GNAI1: variants seen among roughly 807,000 people sequenced by gnomAD.
GNAI1 encodes guanine nucleotide-binding protein G(i) subunit alpha-1.
In GNAI1, 11 loss-of-function variants were observed where a neutral mutation model predicts 38.9. The ratio of observed to expected loss-of-function variants is 0.28; its 90% CI spans 0.18 to 0.47. The LOEUF is 0.47. GNAI1 is among the 20% of genes least tolerant of loss of function. GNAI1 has a pLI of 0.99. For missense variants in GNAI1, 317 were observed against 436.9 expected (o/e 0.73, Z 2.45); for synonymous variants, 166 against 145.1 (o/e 1.14, Z -1.04).
rs1336698236 is a variant in GNAI1, at chr7:80,188,977, A to G, written c.145A>G (p.Ile49Val). 3.7e-6 allele frequency: 6 copies of G among 1,608,438 alleles called. No homozygotes were observed. The highest frequency in any genetic ancestry group is 5.1e-6 in the Non-Finnish European group (6 of 1,176,054). The change falls in exon 2 of 8, where the codon ATT becomes GTT. Residue 49 changes from isoleucine to valine, a missense_variant. Transcript: ENST00000649796. ...LGAGESGKSTIVKQMKIIHEA... is the reference protein window; with the variant it reads ...LGAGESGKSTVVKQMKIIHEA... ...TGCTGGTGAATCTGGTAAAAGTACAATTGTGAAGCAGATGAAGTAAGTAGA... is the reference window on the plus strand; with the variant it reads ...TGCTGGTGAATCTGGTAAAAGTACAGTTGTGAAGCAGATGAAGTAAGTAGA...
intron 1 of GNAI1, among the ~76,000 whole-genome samples, chr7:80,180,838 T>TC (rs1381942938): frequency 1.3e-5 from 2 of 152,144 alleles, no homozygotes; most frequent in Admixed American, 1.3e-4. Flanking sequence ...TGACTGGGCT[T>TC]CATGTAAAGG....
intron 1 of GNAI1, among the ~76,000 whole-genome samples, chr7:80,177,347 C>T (rs1452283401): frequency 1.3e-5 from 2 of 152,118 alleles, no homozygotes; most frequent in African/African-American, 2.4e-5. Flanking sequence ...CTTTTTAGAG[C>T]GTGGTTTTCC....
At chr7:80,189,952 CTCTTA>C (rs2115635519) in intron 3 of GNAI1, among the ~76,000 whole-genome samples, 1 of 151,392 alleles carries the variant, frequency 6.6e-6, no homozygotes, top group East Asian at 1.9e-4. Flanking sequence ...CTTTTTTTTT[CTCTTA>C]TCTTCTCTTT....
chr7:80,151,010 T>C (rs1451217728), intron 1 of GNAI1, among the ~76,000 whole-genome samples: 2 of 152,238 alleles, frequency 1.3e-5, no homozygotes, highest in African/African-American at 4.8e-5. Context: ...TAGCTCTGTT[T>C]ATTTACAGAA....
At position 80,180,062 on chromosome 7, in the gene GNAI1, T is replaced by C. The variant is rs184222476; in HGVS notation, c.119-8889T>C. Among the ~76,000 whole-genome samples the C allele has an allele frequency of 4.0e-4, 61 of 152,272 alleles. 2 individuals carry two copies. The highest frequency in any genetic ancestry group is 3.7e-3 in the Admixed American group (56 of 15,280). Reference sequence around the variant, plus strand: ...AGAGAGGCCCATGAAGAATTGCAGCTTGGCATAGGAAATGTTGAAAAAGTT... The same window carrying C: ...AGAGAGGCCCATGAAGAATTGCAGCCTGGCATAGGAAATGTTGAAAAAGTT... On this transcript the variant is annotated intron_variant, in intron 1 of 7. Coordinates refer to ENST00000649796, the MANE Select transcript of GNAI1 (RefSeq NM_002069.6).
chr7:80,167,418 G>T (rs1043899582), intron 1 of GNAI1, among the ~76,000 whole-genome samples: 1 of 152,130 alleles, frequency 6.6e-6, no homozygotes, highest in African/African-American at 2.4e-5. Context: ...AAAGATTTTC[G>T]TATTTTACTT....
intron 1 of GNAI1, among the ~76,000 whole-genome samples, chr7:80,167,194 A>G (rs906721882): frequency 2.0e-5 from 3 of 152,250 alleles, no homozygotes; most frequent in Non-Finnish European, 2.9e-5. Context: ...ATCTCTGACT[A>G]ATGGACATCC....
At chr7:80,168,030 C>T (rs1788040618) in intron 1 of GNAI1, among the ~76,000 whole-genome samples, 1 of 152,172 alleles carries the variant, frequency 6.6e-6, no homozygotes. Context: ...CCCAACCACA[C>T]CAATGACCAA....
intron 1 of GNAI1, among the ~76,000 whole-genome samples, chr7:80,150,957 A>G (rs548064128): frequency 3.3e-5 from 5 of 152,300 alleles, no homozygotes; most frequent in South Asian, 2.1e-4. Flanking sequence ...GTCCTCCAGA[A>G]TGACAGCTTT....
rs114437012 is a variant in GNAI1 at position 80,183,483 on chromosome 7, A to G, written c.119-5468A>G. ...TTAAGATTTCTTAAAAGGAGAGTAG[A>G]GGTATGAGGACTTCAGCATAAGATA... is the stretch of plus-strand genomic sequence containing the variant. On this transcript the variant is annotated intron_variant, in intron 1 of 7. Transcript: ENST00000649796. 3.2e-3 allele frequency among the ~76,000 whole-genome samples: 483 copies of G among 152,298 alleles called. 5 individuals carry two copies. Among genetic ancestry groups the G allele is most frequent in the African/African-American group, 0.011 (466 of 41,550 alleles).
In GNAI1 at chr7:80,219,649, T is replaced by TA. The variant is rs1029224066; in HGVS notation, c.*2157dup. ...ACTAAATTCATCATCATTCTCTCCTTACACCAGTTCTCACCCTGACTTTGC... is the reference window on the plus strand; with the variant it reads ...ACTAAATTCATCATCATTCTCTCCTTAACACCAGTTCTCACCCTGACTTTGC... On this transcript the variant is annotated 3_prime_UTR_variant, in exon 8 of 8. Coordinates refer to ENST00000649796, the MANE Select transcript of GNAI1 (RefSeq NM_002069.6). 6.6e-6 allele frequency among the ~76,000 whole-genome samples: 1 copy of TA among 152,166 alleles called. No homozygotes were observed. The highest frequency in any genetic ancestry group is 1.5e-5 in the Non-Finnish European group (1 of 68,022).
rs984759782 is a variant in GNAI1, at chr7:80,219,025, ATT to A, written c.*1534_*1535del. 4.4e-4 allele frequency: 22 copies of A among 49,656 alleles called. No individual in the cohort carries two copies. The highest frequency in any genetic ancestry group is 1.9e-3 in the African/African-American group (21 of 11,102). 3.1% of individuals were successfully genotyped at this position (49,656 alleles called of 1,614,324 possible). A position where few individuals can be genotyped will look rare whatever the true frequency, so the allele number is the denominator to read the frequency against. ...ACGTGTTGTCACTGGGTTGAAGTAT[ATT>A]TGTGTGTGTGTGTGTGTGTGTGTGT... On this transcript the variant is annotated 3_prime_UTR_variant, in exon 8 of 8. Coordinates refer to ENST00000649796, the MANE Select transcript of GNAI1 (RefSeq NM_002069.6).
rs67345654 is a variant in GNAI1, at chr7:80,222,382, A to ATTTTTTTTTTTTT, written c.*4896_*4908dup. On this transcript the variant is annotated 3_prime_UTR_variant, in exon 8 of 8. Coordinates refer to ENST00000649796, the MANE Select transcript of GNAI1 (RefSeq NM_002069.6). ...TGAAGGAGCTAGTTCTTCAAATTTA[A>ATTTTTTTTTTTTT]TTTTTTTTTTTTTTTTTTTCCTGAG... is the stretch of plus-strand genomic sequence containing the variant. Among the ~76,000 whole-genome samples the ATTTTTTTTTTTTT allele has an allele frequency of 1.6e-5, 2 of 127,874 alleles. No homozygotes were observed. Among genetic ancestry groups the ATTTTTTTTTTTTT allele is most frequent in the Non-Finnish European group, 1.6e-5 (1 of 61,962 alleles). The allele number at this position is 127,874 out of a possible 152,430, so 83.9% of individuals were successfully genotyped here.
Position 80,224,158 on chromosome 7 carries a change from A to G in GNAI1, c.*6665A>G, listed in dbSNP as rs1013847617. 3.3e-5 allele frequency among the ~76,000 whole-genome samples: 5 copies of G among 152,228 alleles called. No individual in the cohort carries two copies. Among genetic ancestry groups the G allele is most frequent in the African/African-American group, 1.2e-4 (5 of 41,454 alleles). On this transcript the variant is annotated 3_prime_UTR_variant, in exon 8 of 8. Transcript: ENST00000649796. ...ATTATTTAAAATATGTTAGAGATAC[A>G]TAAATATATAGAGAAAATGCATACA...
chr7:80,209,519 G>A (rs957525893), intron 5 of GNAI1, among the ~76,000 whole-genome samples: 1 of 152,108 alleles, frequency 6.6e-6, no homozygotes, highest in Non-Finnish European at 1.5e-5. Context: ...ATAAAATACA[G>A]CAACATCTAA....
In GNAI1 at chr7:80,221,696, G is replaced by C. The variant is rs911225540; in HGVS notation, c.*4203G>C. Among the ~76,000 whole-genome samples, 1 of 126,716 alleles carries C rather than the reference G, an allele frequency of 7.9e-6. No homozygotes were observed. The highest frequency in any genetic ancestry group is 1.6e-5 in the Non-Finnish European group (1 of 63,476). 83.1% of individuals were successfully genotyped at this position (126,716 alleles called of 152,430 possible). On this transcript the variant is annotated 3_prime_UTR_variant, in exon 8 of 8. Coordinates refer to ENST00000649796, the MANE Select transcript of GNAI1 (RefSeq NM_002069.6). ...TCTTGCTCCTTCACCAGGCTGGAGT[G>C]CAGTCGTGCAATCTCCACTCTCTGC... is the stretch of plus-strand genomic sequence containing the variant.
Position 80,212,781 on chromosome 7 carries a change from A to G in GNAI1, c.786A>G (p.Thr262=), listed in dbSNP as rs1788896456. The G allele has an allele frequency of 1.3e-6, 2 of 1,574,452 alleles. No homozygotes were observed. The highest frequency in any genetic ancestry group is 2.4e-5 in the South Asian group (2 of 82,966). The change falls in exon 7 of 8, where the codon ACA becomes ACG. Residue 262 remains threonine (T), a synonymous_variant. Coordinates refer to ENST00000649796, the MANE Select transcript of GNAI1 (RefSeq NM_002069.6). The part of the protein sequence containing the change: ...SICNNKWFTD[T]SIILFLNKKD... ...GTAACAACAAGTGGTTTACAGATAC[A>G]TCCATTATACTTTTTCTAAACAAGA...
At position 80,226,175 on chromosome 7, in the gene GNAI1, AAG is replaced by A. The variant is rs201545925; in HGVS notation, c.*8683_*8684del. On this transcript the variant is annotated 3_prime_UTR_variant, in exon 8 of 8. Coordinates refer to ENST00000649796, the MANE Select transcript of GNAI1 (RefSeq NM_002069.6). ...TATGTATCCAATAAAGACATTTAAA[AAG>A]TAAATTTATGTCCATATTATTTTTA... Among the ~76,000 whole-genome samples, 2 of 152,284 alleles carry A rather than the reference AAG, an allele frequency of 1.3e-5. No individual in the cohort carries two copies. Among genetic ancestry groups the A allele is most frequent in the East Asian group, 3.9e-4 (2 of 5,186 alleles).
intron 3 of GNAI1, among the ~76,000 whole-genome samples, chr7:80,190,368 A>G (rs1029674613): frequency 1.2e-4 from 19 of 152,146 alleles, no homozygotes; most frequent in Admixed American, 9.8e-4. Flanking sequence ...GTAGATTTCA[A>G]TATCATTTTA....
Sources: allele counts gnomAD v4.1 joint callset (sites outside exome capture counted in the v4.1 genomes callset), GRCh38; gene constraint gnomAD v4.1.1; transcripts MANE v1.5; gene names NCBI Gene and HGNC (gene_info 2026-07-23, HGNC 2026-07-21).